KCNQ5: variants seen among roughly 807,000 people sequenced by gnomAD.
KCNQ5 encodes the protein potassium voltage-gated channel subfamily KQT member 5.
Under a neutral mutation model 98.2 loss-of-function variants are expected in KCNQ5, and 30 were observed. The observed-to-expected ratio is 0.31, with a 90% CI of 0.23 to 0.41. The LOEUF is 0.41. Among genes scored for constraint, KCNQ5 ranks in the 10% least tolerant of loss-of-function variants. KCNQ5 has a pLI of 1.00. For missense variants in KCNQ5, 835 were observed against 1,182.5 expected (o/e 0.71, Z 4.31); for synonymous variants, 458 against 449.4 (o/e 1.02, Z -0.24).
At chr6:72,867,570 T>C (rs184564097) in intron 1 of KCNQ5, among the ~76,000 whole-genome samples, 5 of 152,292 alleles carry the variant, frequency 3.3e-5, no homozygotes, top group Non-Finnish European at 1.5e-5. Context: ...CAAAGAGGTA[T>C]AGTTGAAGGA....
intron 5 of KCNQ5, among the ~76,000 whole-genome samples, chr6:73,090,324 G>A (rs1052286638): frequency 3.9e-5 from 6 of 152,112 alleles, no homozygotes; most frequent in Non-Finnish European, 7.4e-5. Flanking sequence ...TTTGTCAAAT[G>A]TATAGATTAT....
intron 3 of KCNQ5, among the ~76,000 whole-genome samples, chr6:73,056,223 T>C (rs1468233445): frequency 6.6e-6 from 1 of 152,178 alleles, no homozygotes; most frequent in Non-Finnish European, 1.5e-5. Context: ...CCCCAGGAGC[T>C]AGTCCTGTGC....
intron 9 of KCNQ5, among the ~76,000 whole-genome samples, chr6:73,131,790 A>G (rs1462804769): frequency 6.6e-6 from 1 of 152,208 alleles, no homozygotes; most frequent in Non-Finnish European, 1.5e-5. Context: ...TCAAGCACAG[A>G]TAAACTCTTC....
At chr6:73,194,346 C>A (rs1178540612) in intron 13 of KCNQ5, 106 bp from the exon 14 acceptor site, 2 of 976,728 alleles carry the variant, frequency 2.0e-6, no homozygotes, top group Non-Finnish European at 3.0e-6. Context: ...TTCAATATTT[C>A]TTTAAATGTG....
rs58607159 is a variant in KCNQ5 at position 73,025,623 on chromosome 6, CAAAAAAAAAA to C, written c.490-16286_490-16277del. Among the ~76,000 whole-genome samples, 25 of 53,008 alleles carry C rather than the reference CAAAAAAAAAA, an allele frequency of 4.7e-4. No homozygotes were observed. In the East Asian group the frequency reaches 9.1e-3, roughly 19 times the overall value. 34.8% of individuals were successfully genotyped at this position (53,008 alleles called of 152,430 possible). A position where few individuals can be genotyped will look rare whatever the true frequency, so the allele number is the denominator to read the frequency against. On this transcript the variant is annotated intron_variant, in intron 2 of 13. Transcript: ENST00000370398. ...GGGCGACAAGAGCAAAACTCCATCTCAAAAAAAAAAAAAAAAAAAAAAAAAAAAAAAAAAA... is the reference window on the plus strand; with the variant it reads ...GGGCGACAAGAGCAAAACTCCATCTCAAAAAAAAAAAAAAAAAAAAAAAAA...
chr6:72,717,763 A>G (rs1351773851), intron 1 of KCNQ5, among the ~76,000 whole-genome samples: 1 of 152,240 alleles, frequency 6.6e-6, no homozygotes, highest in Non-Finnish European at 1.5e-5. Flanking sequence ...TCTAAGCCAC[A>G]GAAATAAAAA....
At chr6:72,893,177 C>A (rs1238310518) in intron 1 of KCNQ5, among the ~76,000 whole-genome samples, 1 of 152,122 alleles carries the variant, frequency 6.6e-6, no homozygotes, top group Non-Finnish European at 1.5e-5. Flanking sequence ...GGACTGCTGG[C>A]AAGCAGTGTG....
intron 2 of KCNQ5, among the ~76,000 whole-genome samples, chr6:73,037,410 T>C (rs1445890534): frequency 2.6e-5 from 4 of 152,206 alleles, no homozygotes; most frequent in Non-Finnish European, 5.9e-5. Context: ...TAACTTCTGC[T>C]TTTGATGTCA....
chr6:72,779,803 C>T (rs1773360306), intron 1 of KCNQ5, among the ~76,000 whole-genome samples: 1 of 150,272 alleles, frequency 6.7e-6, no homozygotes. Flanking sequence ...AGTCACCATG[C>T]CCAGCTAATT....
rs1219877866 is a variant in KCNQ5 at position 72,658,578 on chromosome 6, ATT to A, written c.398+36010_398+36011del. Among the ~76,000 whole-genome samples the A allele has an allele frequency of 7.5e-3, 571 of 76,310 alleles. 3 individuals carry two copies. Among genetic ancestry groups the A allele is most frequent in the South Asian group, 0.017 (37 of 2,206 alleles). The allele number at this position is 76,310 out of a possible 152,430, so 50.1% of individuals were successfully genotyped here. A position where few individuals can be genotyped will look rare whatever the true frequency, so the allele number is the denominator to read the frequency against. Reference sequence around the variant, plus strand: ...TTAAAGGATATATATATATATATATATTTTTTTTTTTTTTTTTTTTGAGACAG... The same window carrying A: ...TTAAAGGATATATATATATATATATATTTTTTTTTTTTTTTTTTGAGACAG... On this transcript the variant is annotated intron_variant, in intron 1 of 13. Transcript: ENST00000370398.
intron 2 of KCNQ5, among the ~76,000 whole-genome samples, chr6:73,031,359 T>C (rs772266896): frequency 6.6e-6 from 1 of 152,204 alleles, no homozygotes; most frequent in Non-Finnish European, 1.5e-5. Context: ...TTGCAATTAG[T>C]GTCATAAAGC....
At chr6:72,880,107 T>C (rs1036180198) in intron 1 of KCNQ5, among the ~76,000 whole-genome samples, 2 of 152,226 alleles carry the variant, frequency 1.3e-5, no homozygotes, top group Non-Finnish European at 2.9e-5. Context: ...GAAAACTGTT[T>C]ATGGTTTGTT....
At chr6:72,781,538 ATC>A (rs1478959412) in intron 1 of KCNQ5, among the ~76,000 whole-genome samples, 1 of 152,128 alleles carries the variant, frequency 6.6e-6, no homozygotes, top group African/African-American at 2.4e-5. Context: ...TGGGCCTGCC[ATC>A]TTTGTCTTTA....
chr6:72,705,035 A>G (rs1209997749), intron 1 of KCNQ5, among the ~76,000 whole-genome samples: 1 of 152,112 alleles, frequency 6.6e-6, no homozygotes, highest in Non-Finnish European at 1.5e-5. Flanking sequence ...GTGTTTCTCC[A>G]ATAATTTTTA....
intron 1 of KCNQ5, among the ~76,000 whole-genome samples, chr6:72,726,609 T>C (rs929415446): frequency 6.6e-6 from 1 of 152,158 alleles, no homozygotes; most frequent in Non-Finnish European, 1.5e-5. Flanking sequence ...TTAAAAAATC[T>C]TGTGAAAGGT....
intron 3 of KCNQ5, among the ~76,000 whole-genome samples, chr6:73,068,020 G>A (rs1005643730): frequency 1.1e-4 from 16 of 152,102 alleles, no homozygotes; most frequent in African/African-American, 3.6e-4. Context: ...ATCTGGCCAG[G>A]TGCAATGACT....
intron 1 of KCNQ5, among the ~76,000 whole-genome samples, chr6:72,953,941 A>G (rs1163941575): frequency 6.6e-6 from 1 of 152,138 alleles, no homozygotes. Flanking sequence ...TCTGCACCCC[A>G]GATTTTCCCT....
chr6:72,777,244 C>T (rs1289263145), intron 1 of KCNQ5, among the ~76,000 whole-genome samples: 3 of 152,108 alleles, frequency 2.0e-5, no homozygotes, highest in East Asian at 1.9e-4. Flanking sequence ...AAGTTAGATT[C>T]GAGAAGGACA....
intron 5 of KCNQ5, among the ~76,000 whole-genome samples, chr6:73,093,888 G>A (rs1017792170): frequency 1.3e-5 from 2 of 152,076 alleles, no homozygotes; most frequent in Non-Finnish European, 2.9e-5. Flanking sequence ...ATGGTTGTTG[G>A]ATGGAATGTT....
Sources: gnomAD v4.1 joint callset for allele counts (sites outside exome capture counted in the v4.1 genomes callset) on GRCh38, gnomAD v4.1.1 for gene constraint, MANE v1.5 for transcripts, NCBI Gene and HGNC (gene_info 2026-07-23, HGNC 2026-07-21) for gene names.